CDKAL1: variants seen among roughly 807,000 people sequenced by gnomAD.
CDKAL1 encodes threonylcarbamoyladenosine tRNA methylthiotransferase.
In CDKAL1, 32 loss-of-function variants were observed where a neutral mutation model predicts 68.2. That is an observed-to-expected ratio of 0.47 (90% CI 0.35 to 0.63). The LOEUF (loss-of-function observed/expected upper bound fraction) is 0.63. Ranked by LOEUF, CDKAL1 falls within the 30% of genes least tolerant of loss-of-function variation. The pLI, the probability that CDKAL1 is intolerant of heterozygous loss-of-function variation, is 0.00. For synonymous variants in CDKAL1, 234 were observed against 244.3 expected, an observed-to-expected ratio of 0.96 and a Z score of 0.39; for missense variants, 606 against 696.7, an observed-to-expected ratio of 0.87 and a Z score of 1.47.
At chr6:21,041,826 G>T (rs1769949981) in intron 11 of CDKAL1, among the ~76,000 whole-genome samples, 1 of 152,066 alleles carries the variant, frequency 6.6e-6, no homozygotes, top group African/African-American at 2.4e-5. Context: ...TCAAATAAAA[G>T]TCCAAAGAAA....
chr6:20,859,409 C>T (rs1367329868), intron 9 of CDKAL1, among the ~76,000 whole-genome samples: 1 of 152,188 alleles, frequency 6.6e-6, no homozygotes, highest in Non-Finnish European at 1.5e-5. Flanking sequence ...AACTACAAAT[C>T]TATGAATACG....
chr6:21,145,414 G>GT (rs1269221165), intron 13 of CDKAL1, among the ~76,000 whole-genome samples: 1 of 152,076 alleles, frequency 6.6e-6, no homozygotes, highest in African/African-American at 2.4e-5. Context: ...TGTGAAACTG[G>GT]TTAGCAACAT....
chr6:20,697,472 A>G (rs1771156614), intron 5 of CDKAL1, among the ~76,000 whole-genome samples: 1 of 152,206 alleles, frequency 6.6e-6, no homozygotes, highest in Non-Finnish European at 1.5e-5. Flanking sequence ...TACATTGTAT[A>G]ATTTAAGCAA....
At chr6:20,769,054 T>C (rs1208654904) in intron 7 of CDKAL1, among the ~76,000 whole-genome samples, 1 of 152,052 alleles carries the variant, frequency 6.6e-6, no homozygotes, top group Non-Finnish European at 1.5e-5. Context: ...AAAAACAGCC[T>C]TGGCTCTCTG....
At chr6:20,644,539 G>C (rs1219677113) in intron 4 of CDKAL1, among the ~76,000 whole-genome samples, 1 of 152,110 alleles carries the variant, frequency 6.6e-6, no homozygotes, top group Non-Finnish European at 1.5e-5. Context: ...AATTAGCCGG[G>C]TGTGATGGCG....
chr6:20,665,167 C>T (rs1360426232), intron 5 of CDKAL1, among the ~76,000 whole-genome samples: 1 of 152,126 alleles, frequency 6.6e-6, no homozygotes, highest in Admixed American at 6.6e-5. Flanking sequence ...AGACCTGGGG[C>T]AGTGTCTTGA....
rs76344967 is a variant in CDKAL1, at chr6:20,796,758, T to G, written c.638+15493T>G. Among the ~76,000 whole-genome samples, 1,160 of 152,304 alleles carry G rather than the reference T, an allele frequency of 7.6e-3. 22 individuals carry two copies. Among genetic ancestry groups the G allele is most frequent in the African/African-American group, 0.026 (1,083 of 41,564 alleles). On this transcript the variant is annotated intron_variant, in intron 8 of 15. Coordinates refer to ENST00000274695, the MANE Select transcript of CDKAL1 (RefSeq NM_017774.3). Reference sequence around the variant, plus strand: ...GGAGAAAGCAGTGTTTTCATCAAATTGTACTGGAGCAGTTGGGTATCCATA... The same window carrying G: ...GGAGAAAGCAGTGTTTTCATCAAATGGTACTGGAGCAGTTGGGTATCCATA...
chr6:21,065,023 A>T, intron 11 of CDKAL1, 25 bp from the exon 12 acceptor site: 1 of 1,447,226 alleles, frequency 6.9e-7, no homozygotes, highest in Non-Finnish European at 9.3e-7. Context: ...TCAAGTTTTT[A>T]CATTTTTGTC....
chr6:21,077,733 C>T lies in CDKAL1; in HGVS notation c.1236+12505C>T, dbSNP rs888834143. Among the ~76,000 whole-genome samples, 6 of 152,218 alleles carry T rather than the reference C, an allele frequency of 3.9e-5. No homozygotes were observed. In the East Asian group the frequency reaches 9.6e-4, roughly 24 times the overall value. ...ATGACCCAGTCACCTCTCACCAGGT[C>T]CCTTCTTCAACACAGTAATTACAAT... On this transcript the variant is annotated intron_variant, in intron 12 of 15. Coordinates refer to ENST00000274695, the MANE Select transcript of CDKAL1 (RefSeq NM_017774.3).
chr6:20,981,334 G>A (rs1766133142), intron 10 of CDKAL1, among the ~76,000 whole-genome samples: 1 of 152,080 alleles, frequency 6.6e-6, no homozygotes, highest in East Asian at 1.9e-4. Flanking sequence ...AGCCGAAGAC[G>A]TTTTAAAATG....
chr6:20,944,602 C>A (rs538931349), intron 9 of CDKAL1, among the ~76,000 whole-genome samples: 381 of 152,366 alleles, frequency 2.5e-3, no homozygotes, highest in Non-Finnish European at 4.7e-3. Flanking sequence ...GCCACAGCCT[C>A]CCAAAGTGCC....
intron 10 of CDKAL1, 105 bp downstream of exon 10, chr6:20,955,690 A>AT (rs371397095): frequency 0.01 from 8,263 of 802,468 alleles, no homozygotes; most frequent in South Asian, 0.014. Context: ...ACTCCTTCAC[A>AT]TTTTTTTTTT....
rs745786047 is a variant in CDKAL1, at chr6:20,603,768, A to ATTTTTTTTTTTTTTTTTTTTT, written c.287-45519_287-45499dup. Among the ~76,000 whole-genome samples the ATTTTTTTTTTTTTTTTTTTTT allele has an allele frequency of 8.2e-5, 7 of 85,190 alleles. 2 individuals carry two copies. The highest frequency in any genetic ancestry group is 3.3e-4 in the African/African-American group (7 of 21,330). The allele number at this position is 85,190 out of a possible 152,430, so 55.9% of individuals were successfully genotyped here. ...ACATTGATTAATGGGCAGTTGCTAAATTTTTTTTTTTTTTTTTTTTTTTTT... is the reference window on the plus strand; with the variant it reads ...ACATTGATTAATGGGCAGTTGCTAAATTTTTTTTTTTTTTTTTTTTTTTTTTTTTTTTTTTTTTTTTTTTTT... On this transcript the variant is annotated intron_variant, in intron 4 of 15. Coordinates refer to ENST00000274695, the MANE Select transcript of CDKAL1 (RefSeq NM_017774.3).
At chr6:20,926,941 A>G (rs1393579248) in intron 9 of CDKAL1, among the ~76,000 whole-genome samples, 1 of 149,150 alleles carries the variant, frequency 6.7e-6, no homozygotes, top group Non-Finnish European at 1.5e-5. Flanking sequence ...ATATATATAG[A>G]GAGAGAGAGA....
intron 12 of CDKAL1, among the ~76,000 whole-genome samples, chr6:21,068,569 C>G (rs955311751): frequency 2.0e-5 from 3 of 152,116 alleles, no homozygotes; most frequent in African/African-American, 7.2e-5. Context: ...TCCTGGGCAT[C>G]TATTCTGTTC....
At chr6:21,056,900 G>T (rs1431434576) in intron 11 of CDKAL1, among the ~76,000 whole-genome samples, 1 of 152,168 alleles carries the variant, frequency 6.6e-6, no homozygotes, top group Non-Finnish European at 1.5e-5. Flanking sequence ...TAAGTTTTTT[G>T]ATGTGCTGCT....
intron 9 of CDKAL1, among the ~76,000 whole-genome samples, chr6:20,867,213 C>T (rs74767987): frequency 6.6e-6 from 1 of 152,078 alleles, no homozygotes; most frequent in African/African-American, 2.4e-5. Context: ...GAGTAAATCT[C>T]TTACAATTTT....
chr6:21,025,768 T>C (rs953231145), intron 11 of CDKAL1, among the ~76,000 whole-genome samples: 2 of 152,170 alleles, frequency 1.3e-5, no homozygotes, highest in South Asian at 4.1e-4. Context: ...GAAAGAAAGC[T>C]TCATTCCAAA....
chr6:21,075,202 A>G (rs772370023), intron 12 of CDKAL1, among the ~76,000 whole-genome samples: 2 of 152,144 alleles, frequency 1.3e-5, no homozygotes, highest in Non-Finnish European at 2.9e-5. Context: ...ATTTTCTGAG[A>G]TACGTTTTAT....
Sources: gnomAD v4.1 joint callset for allele counts (sites outside exome capture counted in the v4.1 genomes callset) on GRCh38, gnomAD v4.1.1 for gene constraint, MANE v1.5 for transcripts, NCBI Gene and HGNC (gene_info 2026-07-23, HGNC 2026-07-21) for gene names.